The following EXT1 variants were observed in gnomAD, a reference collection of about 807,000 sequenced individuals.
EXT1 encodes exostosin glycosyltransferase 1.
Under a neutral mutation model 82.5 loss-of-function variants are expected in EXT1, and 20 were observed. That is an observed-to-expected ratio of 0.24 (90% CI 0.17 to 0.35). The LOEUF (loss-of-function observed/expected upper bound fraction) is 0.35. Among genes scored for constraint, EXT1 ranks in the 10% least tolerant of loss-of-function variants. The probability of loss-of-function intolerance (pLI) is 1.00; values close to 1 mark genes in which losing one functional copy is unlikely to be tolerated. For synonymous variants in EXT1, 348 were observed against 350.8 expected, an observed-to-expected ratio of 0.99 and a Z score of 0.09; for missense variants, 757 against 936.5, an observed-to-expected ratio of 0.81 and a Z score of 2.50.
intron 1 of EXT1, among the ~76,000 whole-genome samples, chr8:117,840,705 A>T (rs1812261935): frequency 6.6e-6 from 1 of 152,178 alleles, no homozygotes. Flanking sequence ...AACTCTTCTG[A>T]CTCAACAATA....
intron 1 of EXT1, among the ~76,000 whole-genome samples, chr8:117,841,044 G>A (rs1188957811): frequency 2.0e-5 from 3 of 152,182 alleles, no homozygotes; most frequent in Non-Finnish European, 1.5e-5. Flanking sequence ...CTTACCATAT[G>A]ACCCAGTAAT....
intron 1 of EXT1, among the ~76,000 whole-genome samples, chr8:118,030,983 A>G (rs1816304683): frequency 6.6e-6 from 1 of 152,202 alleles, no homozygotes; most frequent in Admixed American, 6.5e-5. Flanking sequence ...CTTCTGAAAC[A>G]TGCATCTAAG....
At chr8:117,835,118 C>T (rs1812167777) in intron 3 of EXT1, among the ~76,000 whole-genome samples, 1 of 152,066 alleles carries the variant, frequency 6.6e-6, no homozygotes, top group African/African-American at 2.4e-5. Flanking sequence ...GAATATGAAA[C>T]AGTAGGGTAG....
intron 1 of EXT1, among the ~76,000 whole-genome samples, chr8:118,003,017 A>ATG (rs1037263104): frequency 1.3e-5 from 2 of 152,096 alleles, no homozygotes; most frequent in African/African-American, 2.4e-5. Flanking sequence ...AATGTTTTAT[A>ATG]TGTGTATATA....
intron 1 of EXT1, among the ~76,000 whole-genome samples, chr8:117,970,338 C>T (rs538066505): frequency 4.5e-4 from 67 of 150,160 alleles, no homozygotes; most frequent in Non-Finnish European, 8.1e-4. Flanking sequence ...GAGTCTCACT[C>T]TGTCACACAG....
At chr8:118,093,402 A>G (rs912347762) in intron 1 of EXT1, among the ~76,000 whole-genome samples, 4 of 152,132 alleles carry the variant, frequency 2.6e-5, no homozygotes, top group African/African-American at 9.7e-5. Context: ...CAAATTTGGG[A>G]TCAGACATTC....
At chr8:117,924,519 C>T (rs1452874302) in intron 1 of EXT1, among the ~76,000 whole-genome samples, 1 of 152,182 alleles carries the variant, frequency 6.6e-6, no homozygotes, top group Non-Finnish European at 1.5e-5. Flanking sequence ...TCAGCAGTTG[C>T]CTGTAATTAC....
chr8:117,852,048 C>A (rs557060913), intron 1 of EXT1, among the ~76,000 whole-genome samples: 6 of 152,174 alleles, frequency 3.9e-5, no homozygotes, highest in Non-Finnish European at 8.8e-5. Flanking sequence ...GTCCATTTGG[C>A]CATTTGCTCT....
At chr8:118,072,614 T>A (rs17505959) in intron 1 of EXT1, among the ~76,000 whole-genome samples, 2,335 of 152,296 alleles carry the variant, frequency 0.015, 56 homozygotes, top group African/African-American at 0.051. Flanking sequence ...CATAATAGGA[T>A]GAGATCGAAA....
intron 1 of EXT1, among the ~76,000 whole-genome samples, chr8:118,013,824 T>C (rs1169796018): frequency 1.3e-5 from 2 of 152,224 alleles, no homozygotes; most frequent in African/African-American, 4.8e-5. Context: ...TACTAGTCAT[T>C]ATTTATATGA....
At chr8:117,821,615 G>C (rs1811925585) in intron 5 of EXT1, among the ~76,000 whole-genome samples, 1 of 152,170 alleles carries the variant, frequency 6.6e-6, no homozygotes, top group African/African-American at 2.4e-5. Context: ...CATTTCTTTA[G>C]GTTTCATCTC....
At chr8:117,859,675 A>G (rs188451571) in intron 1 of EXT1, among the ~76,000 whole-genome samples, 38 of 152,336 alleles carry the variant, frequency 2.5e-4, no homozygotes, top group African/African-American at 8.2e-4. Flanking sequence ...ATTACTGTCT[A>G]TTTTGTTACT....
intron 1 of EXT1, among the ~76,000 whole-genome samples, chr8:118,101,260 AT>A (rs1817714460): frequency 6.6e-6 from 1 of 152,160 alleles, no homozygotes; most frequent in African/African-American, 2.4e-5. Context: ...ACTTTGGGGG[AT>A]CAGCTACTGT....
chr8:117,899,576 C>A (rs1813404578), intron 1 of EXT1, among the ~76,000 whole-genome samples: 1 of 152,144 alleles, frequency 6.6e-6, no homozygotes, highest in South Asian at 2.1e-4. Flanking sequence ...GAACGATCAG[C>A]TGGGTTCCTA....
At chr8:117,950,639 C>T (rs1814474357) in intron 1 of EXT1, among the ~76,000 whole-genome samples, 1 of 152,206 alleles carries the variant, frequency 6.6e-6, no homozygotes, top group African/African-American at 2.4e-5. Context: ...CCCTTTAGGG[C>T]TTACCCTGAT....
At chr8:118,028,708 G>A (rs992427762) in intron 1 of EXT1, among the ~76,000 whole-genome samples, 1 of 151,166 alleles carries the variant, frequency 6.6e-6, no homozygotes, top group African/African-American at 2.4e-5. Context: ...GGCGGAAGGA[G>A]CACCTGATGT....
At chr8:118,076,453 T>C (rs189505925) in intron 1 of EXT1, among the ~76,000 whole-genome samples, 3 of 152,380 alleles carry the variant, frequency 2.0e-5, no homozygotes, top group East Asian at 1.9e-4. Flanking sequence ...CCAAAGTCTT[T>C]GTGTATATTT....
chr8:117,807,149 C>T (rs2129700646), intron 9 of EXT1, 68 bp downstream of exon 9: 1 of 1,595,166 alleles, frequency 6.3e-7, no homozygotes, highest in Non-Finnish European at 8.6e-7. Context: ...GGCCTTAGTT[C>T]CTATTTATGC....
intron 1 of EXT1, among the ~76,000 whole-genome samples, chr8:118,028,259 G>A (rs180806465): frequency 6.6e-6 from 1 of 152,328 alleles, no homozygotes; most frequent in African/African-American, 2.4e-5. Flanking sequence ...GGGCCATGTT[G>A]GGGAAAGGGC....
Sources: allele counts gnomAD v4.1 joint callset (sites outside exome capture counted in the v4.1 genomes callset), GRCh38; gene constraint gnomAD v4.1.1; transcripts MANE v1.5; gene names NCBI Gene and HGNC (gene_info 2026-07-23, HGNC 2026-07-21).